Variants in ICAM1 observed in about 807,000 individuals in gnomAD.
ICAM1 encodes ICAM-1.
In ICAM1, 28 loss-of-function variants were observed where a neutral mutation model predicts 42.3. The observed-to-expected ratio is 0.66, with a 90% CI of 0.49 to 0.91. ICAM1 has a LOEUF of 0.91. Ranked by LOEUF, ICAM1 falls within the 40% of genes least tolerant of loss-of-function variation. The probability of loss-of-function intolerance (pLI) is 0.00; values close to 1 mark genes in which losing one functional copy is unlikely to be tolerated. For missense variants in ICAM1, 637 were observed against 688.6 expected (o/e 0.93, Z 0.84); for synonymous variants, 304 against 305.9 (o/e 0.99, Z 0.07).
intron 2 of ICAM1, among the ~76,000 whole-genome samples, chr19:10,275,257 T>C (rs1568292047): frequency 6.6e-6 from 1 of 152,164 alleles, no homozygotes; most frequent in Non-Finnish European, 1.5e-5. Context: ...ATCCCAGCAC[T>C]TTGAGAGGCT....
intron 2 of ICAM1, among the ~76,000 whole-genome samples, chr19:10,275,922 A>G (rs2040013453): frequency 2.0e-5 from 3 of 151,186 alleles, no homozygotes; most frequent in Admixed American, 2.0e-4. Flanking sequence ...GTTAGCCAGG[A>G]TGGTCTCAAT....
At chr19:10,280,319 CTA>C (rs767272790) in intron 2 of ICAM1, among the ~76,000 whole-genome samples, 2 of 151,188 alleles carry the variant, frequency 1.3e-5, no homozygotes, top group African/African-American at 2.4e-5. Flanking sequence ...GTTTTCTTGA[CTA>C]TATATATATA....
At position 10,283,646 on chromosome 19, in the gene ICAM1, CCGCT is replaced by C. The variant is rs755314571; in HGVS notation, c.498_501del (p.Ala167ArgfsTer8). On this transcript the variant is annotated frameshift_variant, in exon 3 of 7. Transcript: ENST00000264832. LOFTEE classifies it high-confidence loss of function. ...AAACGGGAGCCAGCTGTGGGGGAGC[CCGCT>C]GAGGTCACGACCACGGTGCTGGTGA... 4 of 1,613,838 alleles carry C rather than the reference CCGCT, an allele frequency of 2.5e-6. No homozygotes were observed.
intron 2 of ICAM1, among the ~76,000 whole-genome samples, chr19:10,279,746 A>T (rs1413525514): frequency 6.6e-6 from 1 of 151,958 alleles, no homozygotes; most frequent in Non-Finnish European, 1.5e-5. Flanking sequence ...AGTTTCCCAA[A>T]GTGCTGGGAT....
chr19:10,274,723 C>T (rs1220390020), intron 1 of ICAM1, 42 bp from the exon 2 acceptor site: 1 of 1,594,714 alleles, frequency 6.3e-7, no homozygotes, highest in Admixed American at 1.7e-5. Context: ...CTTGATGAAC[C>T]TGATTTGTAA....
intron 2 of ICAM1, among the ~76,000 whole-genome samples, chr19:10,281,975 C>T (rs571031136): frequency 6.6e-6 from 1 of 152,134 alleles, no homozygotes; most frequent in South Asian, 2.1e-4. Flanking sequence ...CTCCTGACCT[C>T]AGGTGATCCG....
In ICAM1 at chr19:10,283,532, G is replaced by C; in HGVS notation, c.383G>C (p.Gly128Ala). The change falls in exon 3 of 7, where the codon GGC becomes GCC. Residue 128 changes from glycine to alanine, a missense_variant. Transcript: ENST00000264832. Reference sequence around the variant, plus strand: ...CCCCTCCCCTCTTGGCAGCCAGTGGGCAAGAACCTTACCCTACGCTGCCAG... The same window carrying C: ...CCCCTCCCCTCTTGGCAGCCAGTGGCCAAGAACCTTACCCTACGCTGCCAG... ...LAPLPSWQPV[G>A]KNLTLRCQVE... The C allele has an allele frequency of 6.2e-7, 1 of 1,605,872 alleles. No individual in the cohort carries two copies. The highest frequency in any genetic ancestry group is 8.5e-7 in the Non-Finnish European group (1 of 1,175,186).
Position 10,271,143 on chromosome 19 carries a change from G to C in ICAM1, c.-17G>C. On this transcript the variant is annotated 5_prime_UTR_variant, in exon 1 of 7. Coordinates refer to ENST00000264832, the MANE Select transcript of ICAM1 (RefSeq NM_000201.3). ...CTGAGCTCCTCTGCTACTCAGAGTT[G>C]CAACCTCAGCCTCGCTATGGCTCCC... The C allele has an allele frequency of 6.2e-7, 1 of 1,611,120 alleles. No individual in the cohort carries two copies. The highest frequency in any genetic ancestry group is 8.5e-7 in the Non-Finnish European group (1 of 1,178,810).
At position 10,285,260 on chromosome 19, in the gene ICAM1, A is replaced by AC; in HGVS notation, c.1574dup (p.Asn526GlufsTer69). ...AGGCCCAAAAAGGGACCCCCATGAA[A>AC]CCGAACACACAAGCCACGCCTCCCT... On this transcript the variant is annotated frameshift_variant, in exon 7 of 7. Coordinates refer to ENST00000264832, the MANE Select transcript of ICAM1 (RefSeq NM_000201.3). LOFTEE classifies it high-confidence loss of function. The AC allele has an allele frequency of 6.2e-7, 1 of 1,614,018 alleles. No homozygotes were observed. Among genetic ancestry groups the AC allele is most frequent in the Non-Finnish European group, 8.5e-7 (1 of 1,179,964 alleles).
intron 1 of ICAM1, among the ~76,000 whole-genome samples, chr19:10,273,796 T>A (rs573549813): frequency 2.6e-5 from 4 of 152,026 alleles, no homozygotes; most frequent in African/African-American, 9.7e-5. Context: ...GGCGGATCAC[T>A]TGAGGCCAGG....
At chr19:10,279,935 G>T (rs1447268264) in intron 2 of ICAM1, among the ~76,000 whole-genome samples, 1 of 152,080 alleles carries the variant, frequency 6.6e-6, no homozygotes, top group African/African-American at 2.4e-5. Context: ...CCAGGTGGAG[G>T]AGCTGGGACT....
chr19:10,283,900 T>C, intron 3 of ICAM1, 114 bp downstream of exon 3: 4 of 1,430,742 alleles, frequency 2.8e-6, no homozygotes, highest in Non-Finnish European at 3.8e-6. Flanking sequence ...GGGGTGCATG[T>C]GTTCTAGGCG....
At chr19:10,274,713 C>A in intron 1 of ICAM1, 52 bp from the exon 2 acceptor site, 1 of 1,586,874 alleles carries the variant, frequency 6.3e-7, no homozygotes, top group Non-Finnish European at 8.6e-7. Flanking sequence ...CGCACATTCC[C>A]TTGATGAACC....
chr19:10,274,441 A>G (rs2040002750), intron 1 of ICAM1, among the ~76,000 whole-genome samples: 1 of 151,908 alleles, frequency 6.6e-6, no homozygotes, highest in Non-Finnish European at 1.5e-5. Flanking sequence ...CAGCCTCCCA[A>G]ATAGCTAGGA....
At chr19:10,278,609 C>T (rs1308396046) in intron 2 of ICAM1, among the ~76,000 whole-genome samples, 1 of 122,150 alleles carries the variant, frequency 8.2e-6, no homozygotes, top group African/African-American at 3.1e-5. Flanking sequence ...GTCGCCCAGG[C>T]TGGATCACTG....
At chr19:10,276,747 G>A (rs1256187635) in intron 2 of ICAM1, among the ~76,000 whole-genome samples, 3 of 151,628 alleles carry the variant, frequency 2.0e-5, no homozygotes, top group Admixed American at 6.6e-5. Flanking sequence ...TGAGGGAGGC[G>A]GATCACTTGA....
rs768599839 is a variant in ICAM1, at chr19:10,285,328, T to C, written c.*41T>C. ...GGGCCTCTTCCTCGGCCTTCCCATA[T>C]TGGTGGCAGTGGTGCCACACTGAAC... is the stretch of plus-strand genomic sequence containing the variant. On this transcript the variant is annotated 3_prime_UTR_variant, in exon 7 of 7. Transcript: ENST00000264832. 5 of 1,587,124 alleles carry C rather than the reference T, an allele frequency of 3.2e-6. No homozygotes were observed. Among genetic ancestry groups the C allele is most frequent in the Admixed American group, 1.7e-5 (1 of 58,792 alleles).
At chr19:10,283,895 G>T (rs574876700) in intron 3 of ICAM1, 109 bp downstream of exon 3, 1 of 1,435,508 alleles carries the variant, frequency 7.0e-7, no homozygotes. Context: ...GCTAAGGGGT[G>T]CATGTGTTCT....
chr19:10,274,020 A>T (rs2145488739), intron 1 of ICAM1, among the ~76,000 whole-genome samples: 1 of 152,156 alleles, frequency 6.6e-6, no homozygotes, highest in South Asian at 2.1e-4. Context: ...TCTCAAAAAA[A>T]AAAAAAATAA....
Sources: allele counts gnomAD v4.1 joint callset (sites outside exome capture counted in the v4.1 genomes callset), GRCh38; gene constraint gnomAD v4.1.1; transcripts MANE v1.5; gene names NCBI Gene and HGNC (gene_info 2026-07-23, HGNC 2026-07-21).